The following CECR2 variants were observed in gnomAD, a reference collection of about 807,000 sequenced individuals.
CECR2 encodes chromatin remodeling regulator CECR2.
A neutral mutation model predicts 154.5 loss-of-function variants in CECR2; 30 were observed. The observed-to-expected ratio is 0.19, with a 90% CI of 0.15 to 0.26. The LOEUF (loss-of-function observed/expected upper bound fraction) is 0.26, where lower values mean the gene tolerates loss of function less well. CECR2 is among the 10% of genes least tolerant of loss of function. The pLI is 1.00. For synonymous variants in CECR2, 725 were observed against 683.7 expected (o/e 1.06, Z -0.94); for missense variants, 1,743 against 1,829.3 (o/e 0.95, Z 0.86).
chr22:17,453,169 C>G (rs992543368), intron 1 of CECR2, among the ~76,000 whole-genome samples: 7 of 152,168 alleles, frequency 4.6e-5, no homozygotes, highest in African/African-American at 1.7e-4. Context: ...GGGCCGGTCA[C>G]AGTGACTTAC....
At chr22:17,518,606 C>A in intron 8 of CECR2, 1 of 395,924 alleles carries the variant, frequency 2.5e-6, no homozygotes, top group Non-Finnish European at 5.1e-6. Flanking sequence ...ATCTTTAGGA[C>A]GGATGGTTTC....
At chr22:17,400,261 G>A (rs1384877411) in intron 1 of CECR2, among the ~76,000 whole-genome samples, 1 of 152,164 alleles carries the variant, frequency 6.6e-6, no homozygotes, top group Non-Finnish European at 1.5e-5. Context: ...ACCCTCAACT[G>A]TTATATGCCA....
chr22:17,535,019 C>G (rs1324855417), intron 9 of CECR2, among the ~76,000 whole-genome samples: 2 of 151,776 alleles, frequency 1.3e-5, no homozygotes, highest in African/African-American at 4.8e-5. Flanking sequence ...GGCGTGGTGG[C>G]GGGTGCCTGT....
chr22:17,375,993 A>C (rs145705343), intron 1 of CECR2, among the ~76,000 whole-genome samples: 26 of 152,136 alleles, frequency 1.7e-4, no homozygotes, highest in African/African-American at 5.8e-4. Flanking sequence ...TTGTCACACT[A>C]ATCTATTTAA....
intron 1 of CECR2, among the ~76,000 whole-genome samples, chr22:17,373,165 T>G (rs1311443580): frequency 6.6e-6 from 1 of 152,106 alleles, no homozygotes; most frequent in Non-Finnish European, 1.5e-5. Flanking sequence ...CAGGTTCAGG[T>G]GATTCTCCCG....
At chr22:17,387,229 C>T (rs1248979010) in intron 1 of CECR2, among the ~76,000 whole-genome samples, 2 of 152,206 alleles carry the variant, frequency 1.3e-5, no homozygotes, top group African/African-American at 4.8e-5. Flanking sequence ...ACTGGTTCTA[C>T]AGAAATTTTC....
chr22:17,414,561 A>C (rs1325788319), intron 1 of CECR2, among the ~76,000 whole-genome samples: 1 of 150,370 alleles, frequency 6.7e-6, no homozygotes, highest in Non-Finnish European at 1.5e-5. Flanking sequence ...ACATGTGCAC[A>C]ACGTGCAGGT....
chr22:17,443,872 G>T (rs1399738890), intron 1 of CECR2, among the ~76,000 whole-genome samples: 1 of 152,090 alleles, frequency 6.6e-6, no homozygotes, highest in Non-Finnish European at 1.5e-5. Context: ...ATTCAGACTG[G>T]GAAAACATTT....
At chr22:17,543,491 G>A (rs1040525132) in intron 16 of CECR2, among the ~76,000 whole-genome samples, 4 of 151,540 alleles carry the variant, frequency 2.6e-5, no homozygotes, top group South Asian at 2.1e-4. Flanking sequence ...CTCTTGGTCC[G>A]TCGATCCCAT....
chr22:17,532,516 A>T (rs190246296), intron 9 of CECR2, among the ~76,000 whole-genome samples: 39 of 152,172 alleles, frequency 2.6e-4, no homozygotes, highest in African/African-American at 8.9e-4. Context: ...AAGTCAGGAT[A>T]AACACAAGGA....
intron 1 of CECR2, among the ~76,000 whole-genome samples, chr22:17,436,035 T>C (rs1324316885): frequency 1.3e-5 from 2 of 152,200 alleles, no homozygotes; most frequent in East Asian, 3.8e-4. Flanking sequence ...CTCAGCTCAC[T>C]GCAACCTCCG....
chr22:17,534,908 T>C (rs2056414749), intron 9 of CECR2, among the ~76,000 whole-genome samples: 1 of 146,002 alleles, frequency 6.8e-6, no homozygotes, highest in Non-Finnish European at 1.5e-5. Flanking sequence ...CCCAGCACTT[T>C]GGGAGGTCGA....
chr22:17,371,294 CT>C (rs1224521227), intron 1 of CECR2, among the ~76,000 whole-genome samples: 1 of 152,106 alleles, frequency 6.6e-6, no homozygotes, highest in African/African-American at 2.4e-5. Context: ...CACTCACTGG[CT>C]TTTGGCGATT....
intron 2 of CECR2, among the ~76,000 whole-genome samples, chr22:17,483,985 C>A (rs936231473): frequency 3.3e-5 from 5 of 152,144 alleles, no homozygotes; most frequent in African/African-American, 1.2e-4. Context: ...CTTAACATTC[C>A]ATTACAGTGG....
At chr22:17,483,967 C>T (rs549544691) in intron 2 of CECR2, among the ~76,000 whole-genome samples, 1 of 152,246 alleles carries the variant, frequency 6.6e-6, no homozygotes, top group South Asian at 2.1e-4. Flanking sequence ...TGTCTGGATC[C>T]ACAAATCCTT....
chr22:17,378,166 G>A (rs1383233954), intron 1 of CECR2, among the ~76,000 whole-genome samples: 1 of 151,242 alleles, frequency 6.6e-6, no homozygotes, highest in Admixed American at 6.6e-5. Flanking sequence ...TGTGTTTTTA[G>A]TAGAGACGGG....
intron 1 of CECR2, among the ~76,000 whole-genome samples, chr22:17,451,645 C>T (rs939062431): frequency 3.9e-5 from 6 of 152,150 alleles, no homozygotes; most frequent in African/African-American, 1.4e-4. Flanking sequence ...GTTTCCTTTG[C>T]CTGGAAAGTT....
chr22:17,487,459 G>A (rs2055441537), intron 2 of CECR2, among the ~76,000 whole-genome samples: 1 of 152,150 alleles, frequency 6.6e-6, no homozygotes, highest in Admixed American at 6.6e-5. Context: ...CAGCACTTTG[G>A]GAGGCCGAGG....
chr22:17,361,197 A>G (rs1047051388), intron 1 of CECR2, among the ~76,000 whole-genome samples: 1 of 152,002 alleles, frequency 6.6e-6, no homozygotes, highest in Non-Finnish European at 1.5e-5. Flanking sequence ...AAAACAAAAC[A>G]AAAGAACAGG....
Sources: gnomAD v4.1 joint callset for allele counts (sites outside exome capture counted in the v4.1 genomes callset) on GRCh38, gnomAD v4.1.1 for gene constraint, MANE v1.5 for transcripts, NCBI Gene and HGNC (gene_info 2026-07-23, HGNC 2026-07-21) for gene names.